The following ZFP91 variants were observed in gnomAD, a reference collection of about 807,000 sequenced individuals.
ZFP91 encodes the protein E3 ubiquitin-protein ligase ZFP91.
ZFP91 carries 7 observed loss-of-function variants against 63.5 expected under a neutral mutation model. The observed-to-expected ratio is 0.11, with a 90% CI of 0.06 to 0.21. The LOEUF (loss-of-function observed/expected upper bound fraction) is 0.21, where lower values mean the gene tolerates loss of function less well. ZFP91 is among the 10% of genes least tolerant of loss of function. ZFP91 has a pLI of 1.00. For missense variants in ZFP91, 628 were observed against 736.6 expected (o/e 0.85, Z 1.71); for synonymous variants, 330 against 272.1 (o/e 1.21, Z -2.10).
chr11:58,597,058 A>G (rs1336592487), intron 2 of ZFP91, among the ~76,000 whole-genome samples: 3 of 152,180 alleles, frequency 2.0e-5, no homozygotes, highest in Non-Finnish European at 4.4e-5. Context: ...GGCATTGTCC[A>G]ATATCAAAAG....
At chr11:58,597,002 TA>T (rs1855415413) in intron 2 of ZFP91, among the ~76,000 whole-genome samples, 1 of 152,142 alleles carries the variant, frequency 6.6e-6, no homozygotes, top group Admixed American at 6.5e-5. Context: ...GGGGGGCAAG[TA>T]GACCACTTCA....
intron 2 of ZFP91, among the ~76,000 whole-genome samples, chr11:58,608,907 A>C (rs1344523402): frequency 6.6e-6 from 1 of 152,078 alleles, no homozygotes; most frequent in East Asian, 1.9e-4. Context: ...CCGGCCTGTT[A>C]GTTCCTATTT....
rs530641855 is a variant in ZFP91 at position 58,587,436 on chromosome 11, G to T, written c.370+2552G>T. The stretch of plus-strand genomic sequence containing the variant: ...ACCTTTTGGTGGAGGTGACATTTGA[G>T]ATTACACCTGAATATGCAGATAGTT... On this transcript the variant is annotated intron_variant, in intron 2 of 10. Transcript: ENST00000316059. 2.0e-5 allele frequency among the ~76,000 whole-genome samples: 3 copies of T among 152,134 alleles called. No homozygotes were observed. The East Asian group carries it at 5.8e-4, about 29-fold the overall frequency.
intron 5 of ZFP91, 49 bp from the exon 6 acceptor site, chr11:58,611,555 T>G: frequency 6.3e-7 from 1 of 1,586,916 alleles, no homozygotes; most frequent in Non-Finnish European, 8.6e-7. Context: ...GTCATAGTCT[T>G]CCTTGAAAAG....
intron 9 of ZFP91, among the ~76,000 whole-genome samples, chr11:58,615,932 A>T (rs951306894): frequency 6.6e-6 from 1 of 152,234 alleles, no homozygotes; most frequent in Non-Finnish European, 1.5e-5. Flanking sequence ...TTCAACAAAT[A>T]TATATAGAGA....
At chr11:58,613,862 T>A (rs982271300) in intron 8 of ZFP91, among the ~76,000 whole-genome samples, 1 of 152,208 alleles carries the variant, frequency 6.6e-6, no homozygotes, top group Non-Finnish European at 1.5e-5. Context: ...GGTTCAGTTA[T>A]AACAATAGCC....
At chr11:58,611,794 A>G (rs1855669490) in intron 6 of ZFP91, 56 bp downstream of exon 6, 1 of 1,550,216 alleles carries the variant, frequency 6.5e-7, no homozygotes, top group Admixed American at 1.9e-5. Flanking sequence ...GACTAGTGGA[A>G]AAAAGAGTGG....
At chr11:58,584,780 G>A in intron 1 of ZFP91, 76 bp from the exon 2 acceptor site, 1 of 1,316,726 alleles carries the variant, frequency 7.6e-7, no homozygotes, top group Non-Finnish European at 1.0e-6. Flanking sequence ...CTCTGGAGGT[G>A]AACCTGAAAG....
chr11:58,603,568 G>A (rs1270339121), intron 2 of ZFP91, among the ~76,000 whole-genome samples: 1 of 152,202 alleles, frequency 6.6e-6, no homozygotes, highest in Non-Finnish European at 1.5e-5. Context: ...CAGAAACACT[G>A]CCAGGCTGGC....
In ZFP91 at chr11:58,619,852, AG is replaced by A. The variant is rs944592800; in HGVS notation, c.*2147del. ...GATTGATTAGATGAATCTACAAAAA[AG>A]TTGTCCTCCTCTCAGGTCCCTTTTA... On this transcript the variant is annotated 3_prime_UTR_variant, in exon 11 of 11. Transcript: ENST00000316059. The A allele has an allele frequency of 6.6e-6, 1 of 152,372 alleles. No individual in the cohort carries two copies. The highest frequency in any genetic ancestry group is 2.4e-5 in the African/African-American group (1 of 41,464). 9.4% of individuals were successfully genotyped at this position (152,372 alleles called of 1,614,324 possible).
Position 58,617,698 on chromosome 11 carries a change from G to A in ZFP91, c.1705G>A (p.Gly569Arg), listed in dbSNP as rs954702252. The change falls in exon 11 of 11, where the codon GGA (glycine) becomes AGA (arginine). Residue 569 changes from glycine to arginine, a missense_variant. Around this residue, in one of 3 missense-constraint regions of ZFP91, gnomAD observed 115 missense variants for 125.4 expected, o/e 0.92. Coordinates refer to ENST00000316059, the MANE Select transcript of ZFP91 (RefSeq NM_053023.5). The surrounding 1 kb of genome is among the most constrained non-coding windows in gnomAD (Gnocchi z 4.2). ...TCTGATTGAAGATTCAGACTCTGCC[G>A]GACCTTAGTGGACAGGAAGACTTGG... ...EVLIEDSDSA[G>R]P is the part of the protein sequence containing the mutation. 1.0e-5 allele frequency: 15 copies of A among 1,498,786 alleles called. No homozygotes were observed. Among genetic ancestry groups the A allele is most frequent in the South Asian group, 2.8e-5 (2 of 72,014 alleles). The allele number at this position is 1,498,786 out of a possible 1,614,324, so 92.8% of individuals were successfully genotyped here. A position where few individuals can be genotyped will look rare whatever the true frequency, so the allele number is the denominator to read the frequency against.
intron 1 of ZFP91, among the ~76,000 whole-genome samples, chr11:58,583,516 C>T (rs1329802647): frequency 6.6e-6 from 1 of 151,092 alleles, no homozygotes; most frequent in Admixed American, 6.6e-5. Flanking sequence ...ATTGAAAAAA[C>T]TTACAGTTCT....
At chr11:58,593,165 G>A (rs769683120) in intron 2 of ZFP91, among the ~76,000 whole-genome samples, 5 of 152,034 alleles carry the variant, frequency 3.3e-5, no homozygotes, top group African/African-American at 7.3e-5. Context: ...CACACTGCAC[G>A]GTGACCACAG....
intron 9 of ZFP91, among the ~76,000 whole-genome samples, chr11:58,616,500 GT>G (rs777320245): frequency 2.0e-5 from 3 of 150,042 alleles, no homozygotes; most frequent in Middle Eastern, 3.4e-3. Context: ...GTTTGTTTTT[GT>G]TTTTTTTTAA....
chr11:58,610,451 T>A (rs1310678763), intron 4 of ZFP91, 117 bp downstream of exon 4: 15 of 951,722 alleles, frequency 1.6e-5, no homozygotes, highest in Non-Finnish European at 2.3e-5. Flanking sequence ...GAAATTAACT[T>A]CAGTTTTGAT....
At chr11:58,584,426 C>G (rs1855170034) in intron 1 of ZFP91, among the ~76,000 whole-genome samples, 1 of 152,042 alleles carries the variant, frequency 6.6e-6, no homozygotes, top group South Asian at 2.1e-4. Context: ...TGGAGCACAT[C>G]CCAAACATCA....
intron 1 of ZFP91, among the ~76,000 whole-genome samples, chr11:58,583,699 A>G (rs1468379834): frequency 1.3e-5 from 2 of 152,084 alleles, no homozygotes; most frequent in Non-Finnish European, 2.9e-5. Flanking sequence ...GATGATTAGC[A>G]GTTATGGTGT....
intron 8 of ZFP91, among the ~76,000 whole-genome samples, chr11:58,613,794 A>G (rs140395870): frequency 1.3e-5 from 2 of 152,154 alleles, no homozygotes; most frequent in Non-Finnish European, 2.9e-5. Flanking sequence ...CTTAGGAAAT[A>G]CCTGTTTGAT....
At chr11:58,590,977 A>G (rs1009598660) in intron 2 of ZFP91, among the ~76,000 whole-genome samples, 6 of 152,088 alleles carry the variant, frequency 3.9e-5, no homozygotes, top group Non-Finnish European at 5.9e-5. Context: ...ATACGTATAC[A>G]GAAATGCACA....
Sources: allele counts gnomAD v4.1 joint callset (sites outside exome capture counted in the v4.1 genomes callset), GRCh38; gene constraint gnomAD v4.1.1; regional missense constraint gnomAD v4.1.1; non-coding constraint Gnocchi (gnomAD v3.1); transcripts MANE v1.5; gene names NCBI Gene and HGNC (gene_info 2026-07-23, HGNC 2026-07-21).